The following PPP6R3 variants were observed in gnomAD, a reference collection of about 807,000 sequenced individuals.
PPP6R3 encodes protein phosphatase 6 regulatory subunit 3.
PPP6R3 carries 38 observed loss-of-function variants against 110.7 expected under a neutral mutation model. The ratio of observed to expected loss-of-function variants is 0.34; its 90% CI spans 0.26 to 0.45. PPP6R3 has a LOEUF of 0.45. PPP6R3 is among the 20% of genes least tolerant of loss of function. PPP6R3 has a pLI of 1.00. For synonymous variants in PPP6R3, 369 were observed against 373.5 expected (o/e 0.99, Z 0.14); for missense variants, 870 against 1,062.4 (o/e 0.82, Z 2.52).
At chr11:68,589,316 C>T (rs1593702818) in intron 16 of PPP6R3, among the ~76,000 whole-genome samples, 1 of 152,096 alleles carries the variant, frequency 6.6e-6, no homozygotes, top group African/African-American at 2.4e-5. Context: ...AAGCTCTGCC[C>T]TACATGTATT....
intron 2 of PPP6R3, among the ~76,000 whole-genome samples, chr11:68,526,051 T>C (rs556630828): frequency 3.2e-4 from 48 of 152,266 alleles, no homozygotes; most frequent in Non-Finnish European, 6.2e-4. Flanking sequence ...TAGAAACTTT[T>C]TGTGTTGTTG....
At chr11:68,471,054 G>A (rs961588880) in intron 1 of PPP6R3, among the ~76,000 whole-genome samples, 1 of 151,790 alleles carries the variant, frequency 6.6e-6, no homozygotes, top group African/African-American at 2.4e-5. Context: ...AGGCTGAGAC[G>A]GGCGGATCAC....
rs187430369 is a variant in PPP6R3, at chr11:68,566,939, T to C, written c.976-75T>C. The C allele has an allele frequency of 1.1e-5, 14 of 1,332,934 alleles. No homozygotes were observed. In the Admixed American group the frequency reaches 2.9e-4, roughly 28 times the overall value. 82.6% of individuals were successfully genotyped at this position (1,332,934 alleles called of 1,614,324 possible). On this transcript the variant is annotated intron_variant, in intron 9 of 23. Transcript: ENST00000393800. ...ATGTTGTTTGCAGGGTTTAAACTAG[T>C]GTCATGTCTTAGCAAATACACCATT...
At chr11:68,542,150 C>CGGGGGGGGGGGGGGGGG in intron 3 of PPP6R3, among the ~76,000 whole-genome samples, 1 of 41,842 alleles carries the variant, frequency 2.4e-5, no homozygotes, top group East Asian at 6.9e-4. Context: ...CTGGAGTGGG[C>CGGGGGGGGGGGGGGGGG]GGGGGTGGGG....
At chr11:68,517,153 G>T in intron 1 of PPP6R3, among the ~76,000 whole-genome samples, 1 of 149,692 alleles carries the variant, frequency 6.7e-6, no homozygotes, top group African/African-American at 2.5e-5. Context: ...GTTGGAAAAC[G>T]TTGCTAAAAT....
intron 15 of PPP6R3, among the ~76,000 whole-genome samples, chr11:68,585,257 G>A (rs1045478708): frequency 2.0e-5 from 3 of 152,186 alleles, no homozygotes; most frequent in African/African-American, 7.2e-5. Context: ...CCCCATGGAG[G>A]TCTGGAGAAT....
In PPP6R3 at chr11:68,601,852, T is replaced by TC; in HGVS notation, c.2193-11_2193-10insC. 6.2e-7 allele frequency: 1 copy of TC among 1,604,358 alleles called. No homozygotes were observed. The highest frequency in any genetic ancestry group is 8.5e-7 in the Non-Finnish European group (1 of 1,172,186). On this transcript the variant is annotated splice_polypyrimidine_tract_variant and intron_variant, in intron 20 of 23. Coordinates refer to ENST00000393800, the MANE Select transcript of PPP6R3 (RefSeq NM_001164161.2). Reference sequence around the variant, plus strand: ...CTGCTGCTAATATCTGAATTTTCTCTTTTTTGAAAGCACAAAAGATTCTTT... The same window carrying TC: ...CTGCTGCTAATATCTGAATTTTCTCTCTTTTTGAAAGCACAAAAGATTCTTT...
chr11:68,502,436 A>G (rs892840200), intron 1 of PPP6R3, among the ~76,000 whole-genome samples: 3 of 152,310 alleles, frequency 2.0e-5, no homozygotes, highest in Admixed American at 6.5e-5. Flanking sequence ...ATTATTGTTC[A>G]TGCTCACATG....
chr11:68,538,638 AC>A (rs1213827316), intron 3 of PPP6R3, among the ~76,000 whole-genome samples: 2 of 152,198 alleles, frequency 1.3e-5, no homozygotes, highest in African/African-American at 4.8e-5. Flanking sequence ...CCCTCAGTTT[AC>A]CTTTCTTTTC....
chr11:68,561,306 C>T (rs932293705), intron 8 of PPP6R3, among the ~76,000 whole-genome samples: 1 of 152,080 alleles, frequency 6.6e-6, no homozygotes, highest in African/African-American at 2.4e-5. Flanking sequence ...CACTATGTTG[C>T]CCAGGCTGGC....
intron 18 of PPP6R3, among the ~76,000 whole-genome samples, chr11:68,593,934 G>A (rs1182824014): frequency 6.6e-6 from 1 of 152,144 alleles, no homozygotes; most frequent in African/African-American, 2.4e-5. Context: ...GGAAGTCGAG[G>A]CTACAGGGAG....
intron 2 of PPP6R3, among the ~76,000 whole-genome samples, chr11:68,529,841 TGTGGAAAACATCGTTA>T (rs1331162336): frequency 6.6e-6 from 1 of 152,206 alleles, no homozygotes; most frequent in Non-Finnish European, 1.5e-5. Context: ...TTGGCCCTTG[TGTGGAAAACATCGTTA>T]GTGATTGTAG....
intron 1 of PPP6R3, among the ~76,000 whole-genome samples, chr11:68,518,031 C>G (rs901589629): frequency 1.8e-4 from 27 of 152,092 alleles, no homozygotes; most frequent in Non-Finnish European, 3.2e-4. Flanking sequence ...GCATCCCTCA[C>G]TGAAGTTTGA....
chr11:68,569,283 G>A lies in PPP6R3; in HGVS notation c.1129-465G>A, dbSNP rs58981121. ...AAGCAATACTTCACATCCCCATTTA[G>A]TCCTCGTTATTTATGAGGGATACCT... On this transcript the variant is annotated intron_variant, in intron 10 of 23. Coordinates refer to ENST00000393800, the MANE Select transcript of PPP6R3 (RefSeq NM_001164161.2). 8.1e-3 allele frequency among the ~76,000 whole-genome samples: 1,236 copies of A among 152,184 alleles called. 17 individuals carry two copies. The highest frequency in any genetic ancestry group is 0.029 in the African/African-American group (1,195 of 41,528).
In PPP6R3 at chr11:68,613,866, C is replaced by CTATT. The variant is rs1170349661; in HGVS notation, c.*751_*754dup. 23 of 979,748 alleles carry CTATT rather than the reference C, an allele frequency of 2.3e-5. No homozygotes were observed. Among genetic ancestry groups the CTATT allele is most frequent in the Non-Finnish European group, 2.7e-5 (22 of 828,040 alleles). The allele number at this position is 979,748 out of a possible 1,614,324, so 60.7% of individuals were successfully genotyped here. A position where few individuals can be genotyped will look rare whatever the true frequency, so the allele number is the denominator to read the frequency against. On this transcript the variant is annotated 3_prime_UTR_variant, in exon 24 of 24. Transcript: ENST00000393800. Reference sequence around the variant, plus strand: ...TTATTCCTACAAGTGAAACACTAGACTATTTGGAGTGTATATGGCTTGTGT... The same window carrying CTATT: ...TTATTCCTACAAGTGAAACACTAGACTATTTATTTGGAGTGTATATGGCTTGTGT...
rs763494320 is a variant in PPP6R3, at chr11:68,582,925, C to A, written c.1546-118C>A. 3 of 821,046 alleles carry A rather than the reference C, an allele frequency of 3.7e-6. No homozygotes were observed. The African/African-American group carries it at 5.4e-5, about 15-fold the overall frequency. The allele number at this position is 821,046 out of a possible 1,614,324, so 50.9% of individuals were successfully genotyped here. ...TGGCAGCTTAACTGTGACTGACTTT[C>A]ATTTTTTTCTGTTACACGTTGAGAA... On this transcript the variant is annotated intron_variant, in intron 14 of 23. Transcript: ENST00000393800.
intron 1 of PPP6R3, among the ~76,000 whole-genome samples, chr11:68,508,348 T>G (rs1475502574): frequency 3.3e-5 from 5 of 152,028 alleles, no homozygotes; most frequent in Non-Finnish European, 5.9e-5. Flanking sequence ...GCCAGGCTGG[T>G]CTGGAACTCC....
chr11:68,519,313 TAG>T (rs1453330432), intron 1 of PPP6R3, among the ~76,000 whole-genome samples, 186 bp from the exon 2 acceptor site: 2 of 152,208 alleles, frequency 1.3e-5, no homozygotes, highest in Non-Finnish European at 2.9e-5. Context: ...AAAGCTAAGG[TAG>T]AGAGATGACA....
Position 68,600,411 on chromosome 11 carries a change from A to G in PPP6R3, c.2109A>G (p.Gly703=). The G allele has an allele frequency of 6.2e-7, 1 of 1,614,112 alleles. No individual in the cohort carries two copies. Among genetic ancestry groups the G allele is most frequent in the South Asian group, 1.1e-5 (1 of 91,078 alleles). Residue 703 remains glycine (G), a synonymous_variant, in exon 20 of 24, where the codon GGA becomes GGG. Transcript: ENST00000393800. ...ACGGTGCTCCATTGGATTCTGTGGG[A>G]TCTGATGTCTGGAGCACAGAGGAGC... The part of the protein sequence containing the change: ...TTHGAPLDSV[G]SDVWSTEEPM...
Sources: allele counts gnomAD v4.1 joint callset (sites outside exome capture counted in the v4.1 genomes callset), GRCh38; gene constraint gnomAD v4.1.1; transcripts MANE v1.5; gene names NCBI Gene and HGNC (gene_info 2026-07-23, HGNC 2026-07-21).